CAMK2D: variants seen among roughly 807,000 people sequenced by gnomAD.
CAMK2D encodes the protein calcium/calmodulin-dependent protein kinase type II subunit delta.
CAMK2D carries 37 observed loss-of-function variants against 84.0 expected under a neutral mutation model. The observed-to-expected ratio is 0.44, with a 90% confidence interval of 0.34 to 0.58. The LOEUF (loss-of-function observed/expected upper bound fraction) is 0.58, where lower values mean the gene tolerates loss of function less well. CAMK2D is among the 20% of genes least tolerant of loss of function. The pLI, the probability that CAMK2D is intolerant of heterozygous loss-of-function variation, is 0.02. For synonymous variants in CAMK2D, 202 were observed against 212.5 expected (o/e 0.95, Z 0.43); for missense variants, 448 against 652.5 (o/e 0.69, Z 3.41).
chr4:113,636,498 T>C (rs539291372), intron 3 of CAMK2D, among the ~76,000 whole-genome samples: 1 of 152,334 alleles, frequency 6.6e-6, no homozygotes, highest in African/African-American at 2.4e-5. Flanking sequence ...CCTCCTATCC[T>C]TAATAATCTA....
At chr4:113,711,116 T>C (rs1446549801) in intron 2 of CAMK2D, among the ~76,000 whole-genome samples, 4 of 149,368 alleles carry the variant, frequency 2.7e-5, no homozygotes, top group African/African-American at 9.7e-5. Flanking sequence ...ACAAAAAATA[T>C]AAATTTATTA....
intron 16 of CAMK2D, among the ~76,000 whole-genome samples, chr4:113,488,301 T>C (rs1396993066): frequency 6.6e-6 from 1 of 152,176 alleles, no homozygotes; most frequent in African/African-American, 2.4e-5. Flanking sequence ...TTACACAAAG[T>C]GTGAGTCTGA....
chr4:113,548,604 A>AG, intron 5 of CAMK2D: 1 of 907,588 alleles, frequency 1.1e-6, no homozygotes, highest in Non-Finnish European at 1.8e-6. Context: ...CCCTTTCCCC[A>AG]GAAAAAAAAA....
intron 4 of CAMK2D, among the ~76,000 whole-genome samples, chr4:113,584,715 A>T (rs1253493587): frequency 6.6e-6 from 1 of 152,136 alleles, no homozygotes; most frequent in African/African-American, 2.4e-5. Context: ...TAGATAAGGG[A>T]GAAAAAGATA....
chr4:113,580,307 AG>A (rs1034499590), intron 4 of CAMK2D, among the ~76,000 whole-genome samples: 2 of 152,214 alleles, frequency 1.3e-5, no homozygotes, highest in Non-Finnish European at 2.9e-5. Context: ...TCAAATACAT[AG>A]TTTATACTCT....
intron 3 of CAMK2D, among the ~76,000 whole-genome samples, chr4:113,656,536 G>A (rs1452981841): frequency 6.6e-6 from 1 of 152,044 alleles, no homozygotes; most frequent in Non-Finnish European, 1.5e-5. Context: ...ATACACTTTT[G>A]CTTAAAATCC....
chr4:113,616,505 C>G (rs1252661064), intron 3 of CAMK2D, among the ~76,000 whole-genome samples: 1 of 152,106 alleles, frequency 6.6e-6, no homozygotes, highest in African/African-American at 2.4e-5. Context: ...TAATTAGAAG[C>G]CTAGATAATC....
intron 4 of CAMK2D, among the ~76,000 whole-genome samples, chr4:113,607,030 C>T (rs1348838918): frequency 2.6e-5 from 4 of 151,646 alleles, no homozygotes; most frequent in Non-Finnish European, 5.9e-5. Flanking sequence ...CTATATCTGG[C>T]AAAAATATCA....
At chr4:113,578,047 T>C (rs1161330223) in intron 4 of CAMK2D, among the ~76,000 whole-genome samples, 5 of 152,172 alleles carry the variant, frequency 3.3e-5, no homozygotes, top group Non-Finnish European at 7.3e-5. Flanking sequence ...GTATTGGTAT[T>C]GTGTTTTTGT....
chr4:113,757,470 A>AG (rs1266126295), intron 2 of CAMK2D, among the ~76,000 whole-genome samples: 3 of 152,046 alleles, frequency 2.0e-5, no homozygotes, highest in African/African-American at 7.2e-5. Context: ...TAAACTCAAG[A>AG]GCTTCTGGTT....
chr4:113,651,915 T>C (rs957919382), intron 3 of CAMK2D, among the ~76,000 whole-genome samples: 6 of 152,292 alleles, frequency 3.9e-5, no homozygotes, highest in Middle Eastern at 6.8e-3. Context: ...AGTTCTATAA[T>C]ACCTATATTT....
intron 2 of CAMK2D, among the ~76,000 whole-genome samples, chr4:113,727,236 G>A (rs1182597210): frequency 3.3e-5 from 5 of 152,226 alleles, no homozygotes; most frequent in African/African-American, 1.2e-4. Flanking sequence ...ACAACTCTCT[G>A]TAAATTTATA....
intron 2 of CAMK2D, among the ~76,000 whole-genome samples, chr4:113,703,450 C>T (rs143599051): frequency 5.3e-4 from 80 of 152,180 alleles, no homozygotes; most frequent in African/African-American, 1.8e-3. Flanking sequence ...CTCAGCCTCC[C>T]GAGTAGATGG....
chr4:113,525,290 C>T (rs984838364), intron 8 of CAMK2D, among the ~76,000 whole-genome samples: 7 of 152,100 alleles, frequency 4.6e-5, no homozygotes, highest in Non-Finnish European at 2.9e-5. Context: ...ACATAGGGTG[C>T]GGGAGAGACC....
chr4:113,625,196 T>C (rs571455302), intron 3 of CAMK2D, among the ~76,000 whole-genome samples: 3 of 152,350 alleles, frequency 2.0e-5, no homozygotes, highest in East Asian at 3.9e-4. Context: ...TCATTGGTGA[T>C]AAATTCCTTA....
intron 4 of CAMK2D, among the ~76,000 whole-genome samples, chr4:113,593,611 AAGG>A (rs1367289037): frequency 2.0e-5 from 3 of 152,216 alleles, no homozygotes; most frequent in African/African-American, 7.2e-5. Context: ...CTTCTGGAAG[AAGG>A]AGGAGAAAAG....
chr4:113,558,091 C>G (rs532537955), intron 4 of CAMK2D, among the ~76,000 whole-genome samples: 50 of 152,114 alleles, frequency 3.3e-4, no homozygotes, highest in Admixed American at 7.9e-4. Context: ...TGGTTACATA[C>G]TAGACCCAGA....
chr4:113,471,373 C>T (rs2097544824), intron 16 of CAMK2D, among the ~76,000 whole-genome samples: 1 of 152,126 alleles, frequency 6.6e-6, no homozygotes, highest in South Asian at 2.1e-4. Context: ...TTCTCTATCT[C>T]GGAGACCTTA....
chr4:113,568,204 C>T (rs955783352), intron 4 of CAMK2D, among the ~76,000 whole-genome samples: 2 of 152,180 alleles, frequency 1.3e-5, no homozygotes, highest in Non-Finnish European at 2.9e-5. Context: ...TCATTCCAAA[C>T]AGAACTCTGT....
Sources: allele counts gnomAD v4.1 joint callset (sites outside exome capture counted in the v4.1 genomes callset), GRCh38; gene constraint gnomAD v4.1.1; transcripts MANE v1.5; gene names NCBI Gene and HGNC (gene_info 2026-07-23, HGNC 2026-07-21).